The following RBM20 variants were observed in gnomAD, a reference collection of about 807,000 sequenced individuals.
RBM20 encodes the protein RNA binding motif protein 20.
In RBM20, 51 loss-of-function variants were observed where a neutral mutation model predicts 110.1. That is an observed-to-expected ratio of 0.46 (90% confidence interval 0.37 to 0.59). The LOEUF is 0.59. Among genes scored for constraint, RBM20 ranks in the 20% least tolerant of loss-of-function variants. RBM20 has a pLI of 0.00. For missense variants in RBM20, 1,512 were observed against 1,574.9 expected (o/e 0.96, Z 0.68); for synonymous variants, 589 against 618.2 (o/e 0.95, Z 0.70).
intron 1 of RBM20, among the ~76,000 whole-genome samples, chr10:110,737,177 C>CAAAAAAAAAAAAAAAAAAAAA (rs550138775): frequency 0.051 from 1,342 of 26,488 alleles, 264 homozygotes; most frequent in Non-Finnish European, 0.078. Flanking sequence ...AACTCTGCCT[C>CAAAAAAAAAAAAAAAAAAAAA]AAAAAAAAAA....
intron 6 of RBM20, among the ~76,000 whole-genome samples, chr10:110,799,282 A>T (rs1844590795): frequency 1.3e-5 from 2 of 152,158 alleles, no homozygotes; most frequent in South Asian, 4.1e-4. Flanking sequence ...TCTCAGAGGT[A>T]TTCCATGGCA....
intron 1 of RBM20, among the ~76,000 whole-genome samples, chr10:110,698,413 G>T (rs1352016759): frequency 6.6e-6 from 1 of 152,204 alleles, no homozygotes; most frequent in Non-Finnish European, 1.5e-5. Flanking sequence ...AGCACCAGGA[G>T]TTGCCCTCGC....
chr10:110,659,887 C>A (rs1484269628), intron 1 of RBM20, among the ~76,000 whole-genome samples: 1 of 149,082 alleles, frequency 6.7e-6, no homozygotes, highest in Non-Finnish European at 1.5e-5. Context: ...TTGACAGGGC[C>A]TTACTCTCAC....
chr10:110,724,673 T>A (rs1843542854), intron 1 of RBM20, among the ~76,000 whole-genome samples: 1 of 152,134 alleles, frequency 6.6e-6, no homozygotes, highest in African/African-American at 2.4e-5. Flanking sequence ...GGCACAAGAC[T>A]CAGGGAGGGG....
chr10:110,760,733 A>C (rs543395153), intron 1 of RBM20, among the ~76,000 whole-genome samples: 3 of 150,092 alleles, frequency 2.0e-5, no homozygotes, highest in Non-Finnish European at 4.4e-5. Context: ...GAGCCACTGC[A>C]CCTGGCCAGG....
chr10:110,663,905 C>T (rs1490233063), intron 1 of RBM20, among the ~76,000 whole-genome samples: 2 of 152,112 alleles, frequency 1.3e-5, no homozygotes, highest in East Asian at 3.8e-4. Flanking sequence ...CCCACATAAA[C>T]ATATGAGTAT....
intron 1 of RBM20, among the ~76,000 whole-genome samples, chr10:110,680,466 A>G (rs1862406901): frequency 6.6e-6 from 1 of 152,160 alleles, no homozygotes; most frequent in South Asian, 2.1e-4. Flanking sequence ...TCGGTCAGCT[A>G]AAAAGGTGGT....
At chr10:110,754,470 A>T (rs543633535) in intron 1 of RBM20, among the ~76,000 whole-genome samples, 1 of 152,160 alleles carries the variant, frequency 6.6e-6, no homozygotes, top group Non-Finnish European at 1.5e-5. Context: ...CCAGTCAAAT[A>T]TATGTTGGGC....
At chr10:110,709,077 T>C (rs937519080) in intron 1 of RBM20, among the ~76,000 whole-genome samples, 1 of 152,194 alleles carries the variant, frequency 6.6e-6, no homozygotes, top group African/African-American at 2.4e-5. Flanking sequence ...CATCCCTCAA[T>C]AGCAGGTCAG....
chr10:110,660,465 G>T (rs773232008), intron 1 of RBM20, among the ~76,000 whole-genome samples: 74 of 152,168 alleles, frequency 4.9e-4, no homozygotes, highest in Non-Finnish European at 7.8e-4. Flanking sequence ...TTAGGAACGA[G>T]GCCACACAGC....
At chr10:110,675,088 G>GGAA (rs3027990) in intron 1 of RBM20, among the ~76,000 whole-genome samples, 133,263 of 151,974 alleles carry the variant, frequency 0.88, 61,109 homozygotes, top group East Asian at 1. Context: ...CAATTTGTCT[G>GGAA]GAAGAAGAAC....
At chr10:110,785,542 C>A (rs775008486) in intron 5 of RBM20, among the ~76,000 whole-genome samples, 1 of 152,100 alleles carries the variant, frequency 6.6e-6, no homozygotes, top group Non-Finnish European at 1.5e-5. Context: ...GGTGACAGAC[C>A]GGGACTCTGT....
chr10:110,822,955 C>T (rs1844933643), intron 11 of RBM20, among the ~76,000 whole-genome samples: 2 of 152,224 alleles, frequency 1.3e-5, no homozygotes, highest in South Asian at 4.1e-4. Flanking sequence ...TCACCTCACT[C>T]CAATCAAGCC....
At chr10:110,795,698 T>TA (rs1844541612) in intron 5 of RBM20, among the ~76,000 whole-genome samples, 1 of 152,216 alleles carries the variant, frequency 6.6e-6, no homozygotes, top group Non-Finnish European at 1.5e-5. Context: ...GAGACTATGC[T>TA]ATTAGAATGT....
chr10:110,771,082 G>A (rs562714827), intron 1 of RBM20, among the ~76,000 whole-genome samples: 2 of 152,292 alleles, frequency 1.3e-5, no homozygotes, highest in African/African-American at 4.8e-5. Context: ...GAAAACGAAG[G>A]GAGAACACAC....
chr10:110,800,669 T>C (rs1363413660), intron 7 of RBM20, among the ~76,000 whole-genome samples: 4 of 152,196 alleles, frequency 2.6e-5, no homozygotes, highest in Non-Finnish European at 5.9e-5. Flanking sequence ...CCCTCTCTAC[T>C]CTCCTGACTT....
At chr10:110,713,874 C>A (rs1862975860) in intron 1 of RBM20, among the ~76,000 whole-genome samples, 1 of 152,166 alleles carries the variant, frequency 6.6e-6, no homozygotes, top group African/African-American at 2.4e-5. Context: ...CGTTTTCCAG[C>A]CTACTAAGGA....
At chr10:110,697,413 C>T (rs1862682071) in intron 1 of RBM20, among the ~76,000 whole-genome samples, 1 of 152,210 alleles carries the variant, frequency 6.6e-6, no homozygotes, top group Non-Finnish European at 1.5e-5. Context: ...TTTGGGGCCT[C>T]CTGCATGACT....
At chr10:110,759,313 T>G (rs1379437554) in intron 1 of RBM20, among the ~76,000 whole-genome samples, 1 of 152,220 alleles carries the variant, frequency 6.6e-6, no homozygotes, top group Non-Finnish European at 1.5e-5. Context: ...AGACCTCATC[T>G]TTTCTGGCAT....
Sources: allele counts gnomAD v4.1 joint callset (sites outside exome capture counted in the v4.1 genomes callset), GRCh38; gene constraint gnomAD v4.1.1; transcripts MANE v1.5; gene names NCBI Gene and HGNC (gene_info 2026-07-23, HGNC 2026-07-21).